The following WWP2 variants were observed in gnomAD, a reference collection of about 807,000 sequenced individuals.
The protein encoded by WWP2 is NEDD4-like E3 ubiquitin-protein ligase WWP2.
A neutral mutation model predicts 121.0 loss-of-function variants in WWP2; 57 were observed. That is an observed-to-expected ratio of 0.47 (90% CI 0.38 to 0.59). The LOEUF (loss-of-function observed/expected upper bound fraction) is 0.59, where lower values mean the gene tolerates loss of function less well. Ranked by LOEUF, WWP2 falls within the 20% of genes least tolerant of loss-of-function variation. The pLI, the probability that WWP2 is intolerant of heterozygous loss-of-function variation, is 0.00. For synonymous variants in WWP2, 449 were observed against 441.3 expected (o/e 1.02, Z -0.22); for missense variants, 962 against 1,158.9 (o/e 0.83, Z 2.47).
At chr16:69,771,684 A>C (rs912746889) in intron 1 of WWP2, among the ~76,000 whole-genome samples, 1 of 152,140 alleles carries the variant, frequency 6.6e-6, no homozygotes, top group Non-Finnish European at 1.5e-5. Context: ...CTGAAAAACA[A>C]TTCTCTTTTT....
At chr16:69,917,650 A>G in intron 9 of WWP2, 59 bp from the exon 10 acceptor site, 3 of 1,569,504 alleles carry the variant, frequency 1.9e-6, no homozygotes, top group Non-Finnish European at 2.6e-6. Flanking sequence ...AGACTTTTCT[A>G]GAATTGGGGG....
At chr16:69,777,263 T>C (rs1432040394) in intron 1 of WWP2, among the ~76,000 whole-genome samples, 2 of 152,032 alleles carry the variant, frequency 1.3e-5, no homozygotes, top group Non-Finnish European at 2.9e-5. Flanking sequence ...GTAAAACTTT[T>C]TGTGAAATAA....
chr16:69,787,121 A>C, intron 2 of WWP2, 41 bp downstream of exon 2: 1 of 1,563,266 alleles, frequency 6.4e-7, no homozygotes, highest in South Asian at 1.2e-5. Context: ...GTCTACGCCC[A>C]GGGAAGAGGG....
At chr16:69,852,606 T>A (rs2057238869) in intron 6 of WWP2, among the ~76,000 whole-genome samples, 1 of 152,210 alleles carries the variant, frequency 6.6e-6, no homozygotes, top group Non-Finnish European at 1.5e-5. Context: ...TATGCTTATA[T>A]TCCATCTGTA....
chr16:69,918,507 G>A (rs2058508728), intron 10 of WWP2, among the ~76,000 whole-genome samples: 1 of 152,226 alleles, frequency 6.6e-6, no homozygotes, highest in Admixed American at 6.5e-5. Flanking sequence ...TGGTACAATG[G>A]TAGAGTTAAG....
At chr16:69,847,389 T>C (rs1229549656) in intron 6 of WWP2, among the ~76,000 whole-genome samples, 2 of 151,044 alleles carry the variant, frequency 1.3e-5, no homozygotes, top group South Asian at 4.2e-4. Context: ...CCTGCCTTTT[T>C]ATTTATTTTT....
intron 8 of WWP2, among the ~76,000 whole-genome samples, chr16:69,906,078 C>CTT (rs111829274): frequency 1.4e-5 from 2 of 145,566 alleles, no homozygotes; most frequent in African/African-American, 5.0e-5. Flanking sequence ...TCTTTTCTTT[C>CTT]TTTTTTTTTT....
At chr16:69,913,705 G>C (rs1393176023) in intron 9 of WWP2, among the ~76,000 whole-genome samples, 1 of 152,004 alleles carries the variant, frequency 6.6e-6, no homozygotes, top group African/African-American at 2.4e-5. Context: ...AAATGGACCA[G>C]GCAGAAAACA....
chr16:69,924,239 G>A (rs895575338), intron 10 of WWP2, among the ~76,000 whole-genome samples: 6 of 152,126 alleles, frequency 3.9e-5, no homozygotes, highest in Non-Finnish European at 7.4e-5. Context: ...GGAGGGCTGT[G>A]GAAGGGGGCT....
chr16:69,777,584 AGCCACCGT>A (rs1469337519), intron 1 of WWP2, among the ~76,000 whole-genome samples: 1 of 151,884 alleles, frequency 6.6e-6, no homozygotes, highest in Non-Finnish European at 1.5e-5. Flanking sequence ...TACAGGCATG[AGCCACCGT>A]GCTCGGCCTA....
At chr16:69,857,577 A>T (rs1051758172) in intron 6 of WWP2, among the ~76,000 whole-genome samples, 3 of 148,544 alleles carry the variant, frequency 2.0e-5, no homozygotes, top group African/African-American at 7.4e-5. Context: ...CCTTATGCTG[A>T]GTTTTATATA....
chr16:69,828,794 C>T (rs182420983), intron 4 of WWP2, among the ~76,000 whole-genome samples: 170 of 152,316 alleles, frequency 1.1e-3, no homozygotes, highest in Non-Finnish European at 2.1e-3. Context: ...ATGGGAGTTT[C>T]CTATTATTCC....
chr16:69,865,545 A>C (rs974281058), intron 6 of WWP2, among the ~76,000 whole-genome samples: 1 of 152,220 alleles, frequency 6.6e-6, no homozygotes, highest in Non-Finnish European at 1.5e-5. Flanking sequence ...CAGGAAGTGG[A>C]GCCTCTACCT....
chr16:69,830,936 C>A (rs752472899), intron 4 of WWP2, among the ~76,000 whole-genome samples: 1 of 152,148 alleles, frequency 6.6e-6, no homozygotes, highest in Non-Finnish European at 1.5e-5. Context: ...GGAATTTCCC[C>A]CGGTTCCCTT....
At chr16:69,794,539 A>AT (rs2055986267) in intron 2 of WWP2, among the ~76,000 whole-genome samples, 1 of 152,130 alleles carries the variant, frequency 6.6e-6, no homozygotes, top group East Asian at 1.9e-4. Context: ...AAAAAAAAAA[A>AT]GAAACTATAA....
chr16:69,843,841 A>G (rs1399031799), intron 6 of WWP2, among the ~76,000 whole-genome samples: 1 of 152,134 alleles, frequency 6.6e-6, no homozygotes, highest in Non-Finnish European at 1.5e-5. Flanking sequence ...TGGGTAACAG[A>G]GTGAGACTAT....
chr16:69,880,215 A>G (rs932944922), intron 7 of WWP2, among the ~76,000 whole-genome samples: 2 of 151,704 alleles, frequency 1.3e-5, no homozygotes, highest in Admixed American at 6.6e-5. Context: ...ATTATTTTCT[A>G]TGCTGGGATC....
At chr16:69,903,481 A>G (rs1361872743) in intron 8 of WWP2, among the ~76,000 whole-genome samples, 5 of 152,186 alleles carry the variant, frequency 3.3e-5, no homozygotes. Flanking sequence ...GGAATAAAAG[A>G]AAAATGGCCG....
At chr16:69,828,637 T>A (rs2056744702) in intron 4 of WWP2, among the ~76,000 whole-genome samples, 2 of 152,124 alleles carry the variant, frequency 1.3e-5, no homozygotes, top group African/African-American at 2.4e-5. Context: ...AGTGCTGGGA[T>A]TACAGATGTG....
Sources: allele counts gnomAD v4.1 joint callset (sites outside exome capture counted in the v4.1 genomes callset), GRCh38; gene constraint gnomAD v4.1.1; transcripts MANE v1.5; gene names NCBI Gene and HGNC (gene_info 2026-07-23, HGNC 2026-07-21).